LIMCH1: variants seen among roughly 807,000 people sequenced by gnomAD.
LIMCH1 encodes the protein LIM and calponin homology domains-containing protein 1.
In LIMCH1, 113 loss-of-function variants were observed where a neutral mutation model predicts 176.5. That is an observed-to-expected ratio of 0.64 (90% CI 0.55 to 0.75). The LOEUF (loss-of-function observed/expected upper bound fraction) is 0.75. LIMCH1 is among the 30% of genes least tolerant of loss of function. The probability of loss-of-function intolerance (pLI) is 0.00; values close to 1 mark genes in which losing one functional copy is unlikely to be tolerated. For missense variants in LIMCH1, 1,674 were observed against 1,814.9 expected (o/e 0.92, Z 1.41); for synonymous variants, 619 against 645.9 (o/e 0.96, Z 0.63).
chr4:41,574,898 A>G (rs2084207042), intron 1 of LIMCH1, among the ~76,000 whole-genome samples: 1 of 152,220 alleles, frequency 6.6e-6, no homozygotes, highest in African/African-American at 2.4e-5. Context: ...TAATTTCCTC[A>G]TCTGTCAGTT....
At chr4:41,613,213 G>A in intron 4 of LIMCH1, 1 of 990,980 alleles carries the variant, frequency 1.0e-6, no homozygotes, top group Non-Finnish European at 1.5e-6. Context: ...TAAACCTAGG[G>A]AATATGAGTT....
intron 1 of LIMCH1, among the ~76,000 whole-genome samples, chr4:41,469,463 G>T (rs1241761247): frequency 1.3e-5 from 2 of 149,318 alleles, no homozygotes; most frequent in African/African-American, 5.1e-5. Context: ...AAGTGAGAGA[G>T]GAAGGTGACT....
At chr4:41,591,699 G>A (rs184516912) in intron 1 of LIMCH1, among the ~76,000 whole-genome samples, 84 of 152,288 alleles carry the variant, frequency 5.5e-4, no homozygotes, top group African/African-American at 1.9e-3. Flanking sequence ...TGTATATATT[G>A]CATTTTAAAT....
chr4:41,546,386 C>T (rs1037034986), intron 1 of LIMCH1, among the ~76,000 whole-genome samples: 16 of 151,582 alleles, frequency 1.1e-4, no homozygotes, highest in African/African-American at 3.9e-4. Context: ...TGATCTGCCT[C>T]TCTCAGCCTC....
At position 41,417,990 on chromosome 4, in the gene LIMCH1, A is replaced by C. The variant is rs2060092386; in HGVS notation, c.96+57054A>C. ...AAATGTTAACATAACTGAAATGTTA[A>C]TGTAATTATTTGTCATTTTGGCAAT... On this transcript the variant is annotated intron_variant, in intron 1 of 26. Coordinates refer to the LIMCH1 transcript ENST00000313860. 2.6e-5 allele frequency among the ~76,000 whole-genome samples: 4 copies of C among 152,204 alleles called. No individual in the cohort carries two copies. In the South Asian group the frequency reaches 8.3e-4, roughly 31 times the overall value.
chr4:41,652,411 G>T (rs570258417), intron 18 of LIMCH1, among the ~76,000 whole-genome samples: 1 of 152,234 alleles, frequency 6.6e-6, no homozygotes, highest in South Asian at 2.1e-4. Flanking sequence ...CCACTGCGGA[G>T]TCTCTCCTGA....
intron 1 of LIMCH1, among the ~76,000 whole-genome samples, chr4:41,449,415 T>C (rs2063611121): frequency 6.6e-6 from 1 of 152,240 alleles, no homozygotes; most frequent in Non-Finnish European, 1.5e-5. Context: ...CCTTTTCCCC[T>C]TAACAGCTAT....
intron 2 of LIMCH1, among the ~76,000 whole-genome samples, chr4:41,504,454 T>C (rs2073875168): frequency 6.6e-6 from 1 of 152,216 alleles, no homozygotes; most frequent in Non-Finnish European, 1.5e-5. Flanking sequence ...CCTTTTTGCA[T>C]CTGAGCAGTT....
chr4:41,408,176 A>G (rs2059158248), intron 1 of LIMCH1, among the ~76,000 whole-genome samples: 1 of 152,128 alleles, frequency 6.6e-6, no homozygotes, highest in Admixed American at 6.5e-5. Flanking sequence ...GGGTAGGGAG[A>G]CAAGCCTGGG....
intron 14 of LIMCH1, among the ~76,000 whole-genome samples, chr4:41,640,263 T>G (rs1306671438): frequency 2.0e-5 from 3 of 152,266 alleles, no homozygotes; most frequent in African/African-American, 7.2e-5. Flanking sequence ...GAGGATTTTA[T>G]AAGATTGACA....
rs369706179 is a variant in LIMCH1 at position 41,498,875 on chromosome 4, CT to C, written c.167+4282del. On this transcript the variant is annotated intron_variant, in intron 2 of 26. Transcript: ENST00000313860. ...GGGCTGGCAAATTATGGCCCTTGGCCTTTTTTTTTTTTTAACTGGCCTTCTT... is the reference window on the plus strand; with the variant it reads ...GGGCTGGCAAATTATGGCCCTTGGCCTTTTTTTTTTTTAACTGGCCTTCTT... Among the ~76,000 whole-genome samples, 827 of 142,250 alleles carry C rather than the reference CT, an allele frequency of 5.8e-3. 2 individuals are homozygous for C. Among genetic ancestry groups the C allele is most frequent in the African/African-American group, 7.9e-3 (311 of 39,300 alleles). 93.3% of individuals were successfully genotyped at this position (142,250 alleles called of 152,430 possible).
intron 1 of LIMCH1, among the ~76,000 whole-genome samples, chr4:41,442,223 C>G (rs79963252): frequency 0.042 from 6,354 of 152,166 alleles, 458 homozygotes; most frequent in African/African-American, 0.14. Flanking sequence ...TCACTTGAGC[C>G]TGGGAGGTTG....
intron 2 of LIMCH1, among the ~76,000 whole-genome samples, chr4:41,520,211 C>T (rs2152397613): frequency 6.6e-6 from 1 of 152,274 alleles, no homozygotes; most frequent in East Asian, 1.9e-4. Flanking sequence ...ATTTTGCTTA[C>T]ACCTTGGCCA....
At chr4:41,378,449 A>C (rs1350525724) in intron 1 of LIMCH1, among the ~76,000 whole-genome samples, 1 of 152,240 alleles carries the variant, frequency 6.6e-6, no homozygotes, top group Admixed American at 6.5e-5. Flanking sequence ...TAATATACTC[A>C]GTGCTTGATA....
At chr4:41,632,704 T>C (rs2093388491) in intron 10 of LIMCH1, 45 bp from the exon 11 acceptor site, 1 of 1,451,736 alleles carries the variant, frequency 6.9e-7, no homozygotes, top group Non-Finnish European at 9.3e-7. Context: ...TCGTAACCCA[T>C]GTTCCTCTCC....
At chr4:41,542,727 C>A (rs1465165923) in intron 1 of LIMCH1, among the ~76,000 whole-genome samples, 1 of 152,140 alleles carries the variant, frequency 6.6e-6, no homozygotes, top group Non-Finnish European at 1.5e-5. Flanking sequence ...CCCATCATAG[C>A]AGCTTCCCTA....
intron 1 of LIMCH1, among the ~76,000 whole-genome samples, chr4:41,589,429 A>G (rs1355435143): frequency 1.3e-5 from 2 of 152,168 alleles, no homozygotes; most frequent in Admixed American, 6.5e-5. Flanking sequence ...AGTGGGTAAC[A>G]GGTTCTGCAG....
At chr4:41,667,629 T>C (rs2094874055) in intron 21 of LIMCH1, among the ~76,000 whole-genome samples, 1 of 152,114 alleles carries the variant, frequency 6.6e-6, no homozygotes, top group Non-Finnish European at 1.5e-5. Flanking sequence ...GTAGACCATA[T>C]ATAGGGTTGT....
chr4:41,620,336 GT>G (rs1336795145), intron 6 of LIMCH1, 87 bp from the exon 7 acceptor site: 11 of 1,273,340 alleles, frequency 8.6e-6, no homozygotes, highest in Non-Finnish European at 1.2e-5. Context: ...AAAGTGAAAA[GT>G]AATATCAGAA....
Sources: allele counts gnomAD v4.1 joint callset (sites outside exome capture counted in the v4.1 genomes callset), GRCh38; gene constraint gnomAD v4.1.1; transcripts MANE v1.5; gene names NCBI Gene and HGNC (gene_info 2026-07-23, HGNC 2026-07-21).